The following SMYD1 variants were observed in gnomAD, a reference collection of about 807,000 sequenced individuals.
SMYD1 encodes SET and MYND domain containing 1, also known as histone-lysine N-methyltransferase SMYD1.
SMYD1 carries 49 observed loss-of-function variants against 54.0 expected under a neutral mutation model. The observed-to-expected ratio is 0.91, with a 90% CI of 0.72 to 1.15. The LOEUF is 1.15. SMYD1 is among the 50% of genes most tolerant of loss of function. The pLI, the probability that SMYD1 is intolerant of heterozygous loss-of-function variation, is 0.00. For synonymous variants in SMYD1, 269 were observed against 234.2 expected, an observed-to-expected ratio of 1.15 and a Z score of -1.36; for missense variants, 653 against 639.6, an observed-to-expected ratio of 1.02 and a Z score of -0.23.
chr2:88,112,186 G>T lies in SMYD1; in HGVS notation c.*1674G>T, dbSNP rs2104023212. On this transcript the variant is annotated 3_prime_UTR_variant, in exon 10 of 10. Transcript: ENST00000419482. The stretch of plus-strand genomic sequence containing the variant: ...TAACTTTCTCCCAGGGATCTAACTG[G>T]CTAGTTCAAATTATCACTCTTTTAC... 5 of 702,952 alleles carry T rather than the reference G, an allele frequency of 7.1e-6. No homozygotes were observed. Among genetic ancestry groups the T allele is most frequent in the Non-Finnish European group, 1.0e-5 (4 of 384,920 alleles). 43.5% of individuals were successfully genotyped at this position (702,952 alleles called of 1,614,324 possible).
intron 8 of SMYD1, among the ~76,000 whole-genome samples, chr2:88,107,193 TG>T (rs1414198964): frequency 1.3e-5 from 2 of 151,084 alleles, no homozygotes; most frequent in Non-Finnish European, 2.9e-5. Flanking sequence ...AGAGCAAGAC[TG>T]TCTCAAAAAA....
intron 5 of SMYD1, among the ~76,000 whole-genome samples, chr2:88,094,240 G>A (rs927030168): frequency 6.6e-6 from 1 of 152,132 alleles, no homozygotes; most frequent in Non-Finnish European, 1.5e-5. Context: ...ACGTGAATTT[G>A]GATGATTCAC....
At position 88,111,821 on chromosome 2, in the gene SMYD1, A is replaced by T; in HGVS notation, c.*1309A>T. 1 of 410,398 alleles carries T rather than the reference A, an allele frequency of 2.4e-6. No homozygotes were observed. The highest frequency in any genetic ancestry group is 4.4e-6 in the Non-Finnish European group (1 of 226,688). The allele number at this position is 410,398 out of a possible 1,614,324, so 25.4% of individuals were successfully genotyped here. Reference sequence around the variant, plus strand: ...CACCAATGTTTTGGGAGATCCTGGAAAAGATCCCTTCAGTTTGGGGTGTCA... The same window carrying T: ...CACCAATGTTTTGGGAGATCCTGGATAAGATCCCTTCAGTTTGGGGTGTCA... On this transcript the variant is annotated 3_prime_UTR_variant, in exon 10 of 10. Transcript: ENST00000419482.
chr2:88,103,920 G>A (rs1044905117), intron 7 of SMYD1, among the ~76,000 whole-genome samples: 1 of 151,934 alleles, frequency 6.6e-6, no homozygotes, highest in African/African-American at 2.4e-5. Flanking sequence ...AATGTCACTA[G>A]GGCATGCAGA....
intron 7 of SMYD1, 105 bp downstream of exon 7, chr2:88,103,255 T>G: frequency 1.2e-5 from 9 of 768,292 alleles, no homozygotes; most frequent in Non-Finnish European, 1.7e-5. Flanking sequence ...GGAGGGGGGC[T>G]ACCAAGCAGG....
chr2:88,091,294 T>C, intron 4 of SMYD1, 152 bp downstream of exon 4: 2 of 858,174 alleles, frequency 2.3e-6, no homozygotes, highest in East Asian at 2.7e-5. Context: ...CCAGAATAAT[T>C]GTGAATGAGA....
At chr2:88,073,446 G>A (rs1359135306) in intron 1 of SMYD1, among the ~76,000 whole-genome samples, 6 of 152,122 alleles carry the variant, frequency 3.9e-5, no homozygotes, top group South Asian at 2.1e-4. Flanking sequence ...TTTCTGGGTC[G>A]AATGGTAATT....
chr2:88,095,153 A>G (rs1674551646), intron 5 of SMYD1, among the ~76,000 whole-genome samples: 1 of 152,164 alleles, frequency 6.6e-6, no homozygotes, highest in African/African-American at 2.4e-5. Context: ...GTGTCCCTGC[A>G]GCTCAGACAT....
In SMYD1 at chr2:88,110,200, A is replaced by AGAGAGTGT. The variant is rs139694354; in HGVS notation, c.1315-153_1315-152insAGAGTGTG. Among the ~76,000 whole-genome samples, 1,091 of 139,076 alleles carry AGAGAGTGT rather than the reference A, an allele frequency of 7.8e-3. 16 individuals carry two copies. The highest frequency in any genetic ancestry group is 0.028 in the African/African-American group (1,018 of 35,796). The allele number at this position is 139,076 out of a possible 152,430, so 91.2% of individuals were successfully genotyped here. On this transcript the variant is annotated intron_variant, in intron 9 of 9. Transcript: ENST00000419482. Reference sequence around the variant, plus strand: ...CAGGACATTAGGCCCTTGATGAATGAGTGTGTGTGTGTGTGTGTGTGTGTG... The same window carrying AGAGAGTGT: ...CAGGACATTAGGCCCTTGATGAATGAGAGAGTGTGTGTGTGTGTGTGTGTGTGTGTGTG...
In SMYD1 at chr2:88,111,245, T is replaced by C. The variant is rs2104021943; in HGVS notation, c.*733T>C. On this transcript the variant is annotated 3_prime_UTR_variant, in exon 10 of 10. Transcript: ENST00000419482. Reference sequence around the variant, plus strand: ...AAAGTCTGGGTTCCAACTAGAATTCTAGAAATATTTCTAGAACACACAGAG... The same window carrying C: ...AAAGTCTGGGTTCCAACTAGAATTCCAGAAATATTTCTAGAACACACAGAG... The C allele has an allele frequency of 6.6e-6, 1 of 152,380 alleles. No homozygotes were observed. The highest frequency in any genetic ancestry group is 1.5e-5 in the Non-Finnish European group (1 of 68,052). 9.4% of individuals were successfully genotyped at this position (152,380 alleles called of 1,614,324 possible). A position where few individuals can be genotyped will look rare whatever the true frequency, so the allele number is the denominator to read the frequency against.
chr2:88,085,700 C>T (rs1230483278), intron 2 of SMYD1, among the ~76,000 whole-genome samples: 1 of 152,138 alleles, frequency 6.6e-6, no homozygotes, highest in Non-Finnish European at 1.5e-5. Context: ...GCTTCATGAC[C>T]CTTTCCTCGG....
At position 88,110,393 on chromosome 2, in the gene SMYD1, C is replaced by A; in HGVS notation, c.1354C>A (p.Arg452Ser). Residue 452 changes from arginine to serine, a missense_variant, in exon 10 of 10, where the codon CGC becomes AGC. Coordinates refer to ENST00000419482, the MANE Select transcript of SMYD1 (RefSeq NM_198274.4). ...VQTEMELRMF[R>S]QNEFMYYKMR... is the part of the protein sequence containing the mutation. ...GACGGAGATGGAGCTACGCATGTTC[C>A]GCCAGAACGAATTCATGTACTACAA... 1 of 1,612,914 alleles carries A rather than the reference C, an allele frequency of 6.2e-7. No individual in the cohort carries two copies. Among genetic ancestry groups the A allele is most frequent in the Non-Finnish European group, 8.5e-7 (1 of 1,179,524 alleles).
intron 1 of SMYD1, among the ~76,000 whole-genome samples, chr2:88,074,525 T>A (rs777784882): frequency 2.6e-5 from 4 of 152,054 alleles, no homozygotes; most frequent in Non-Finnish European, 4.4e-5. Flanking sequence ...TATTTATAAG[T>A]TCTGGGGATT....
At chr2:88,079,765 G>A (rs1386948240) in intron 1 of SMYD1, among the ~76,000 whole-genome samples, 1 of 152,178 alleles carries the variant, frequency 6.6e-6, no homozygotes, top group Non-Finnish European at 1.5e-5. Flanking sequence ...AGGTTGCAGT[G>A]AGCCGAGATC....
Position 88,084,363 on chromosome 2 carries a change from T to C in SMYD1, c.185T>C (p.Leu62Pro). The change falls in exon 2 of 10, where the codon CTC (leucine) becomes CCC (proline). Residue 62 changes from leucine (L) to proline (P), a missense_variant. Coordinates refer to ENST00000419482, the MANE Select transcript of SMYD1 (RefSeq NM_198274.4). ...CHTCFKRQEK[L>P]HRCGQCKFAH... ...ACCTGCTTCAAGAGGCAGGAGAAGC[T>C]CCATCGCTGTGGGCAGTGCAAGTTT... 6.3e-7 allele frequency: 1 copy of C among 1,592,864 alleles called. No individual in the cohort carries two copies. The highest frequency in any genetic ancestry group is 8.6e-7 in the Non-Finnish European group (1 of 1,162,396).
intron 6 of SMYD1, among the ~76,000 whole-genome samples, chr2:88,100,384 G>T (rs1421902315): frequency 6.6e-6 from 1 of 152,058 alleles, no homozygotes; most frequent in Non-Finnish European, 1.5e-5. Flanking sequence ...CACTTAACCA[G>T]TTAGTATTCT....
chr2:88,108,391 A>G lies in SMYD1; in HGVS notation c.1166A>G (p.Asn389Ser). Reference sequence around the variant, plus strand: ...CACAGGAAGCTCTACCACCCCAACAATGCCCAACTGGGCATGGCCGTGATG... The same window carrying G: ...CACAGGAAGCTCTACCACCCCAACAGTGCCCAACTGGGCATGGCCGTGATG... ...DGYMKLYHPN[N>S]AQLGMAVMRA... is the part of the protein sequence containing the mutation. Residue 389 changes from asparagine (N) to serine (S), a missense_variant, in exon 9 of 10, where the codon AAT (asparagine) becomes AGT (serine). Transcript: ENST00000419482. 6.3e-7 allele frequency: 1 copy of G among 1,599,802 alleles called. No individual in the cohort carries two copies.
chr2:88,072,870 T>C (rs962334856), intron 1 of SMYD1, among the ~76,000 whole-genome samples: 1 of 152,240 alleles, frequency 6.6e-6, no homozygotes, highest in Non-Finnish European at 1.5e-5. Flanking sequence ...ATTCTTTTTG[T>C]TGACTTGTAT....
chr2:88,089,027 G>A lies in SMYD1; in HGVS notation c.528+952G>A, dbSNP rs188107131. The stretch of plus-strand genomic sequence containing the variant: ...TCTCTCCAGTCTTCACCATATTGGG[G>A]GGCAAAGGGAGAGAGATTGATTGAG... On this transcript the variant is annotated intron_variant, in intron 3 of 9. Coordinates refer to ENST00000419482, the MANE Select transcript of SMYD1 (RefSeq NM_198274.4). 3.9e-3 allele frequency among the ~76,000 whole-genome samples: 595 copies of A among 152,274 alleles called. 14 individuals carry two copies. The highest frequency in any genetic ancestry group is 6.2e-3 in the East Asian group (32 of 5,176).
Sources: gnomAD v4.1 joint callset for allele counts (sites outside exome capture counted in the v4.1 genomes callset) on GRCh38, gnomAD v4.1.1 for gene constraint, MANE v1.5 for transcripts, NCBI Gene and HGNC (gene_info 2026-07-23, HGNC 2026-07-21) for gene names.